Variants in GAD2 observed in about 807,000 individuals in gnomAD.
GAD2 encodes the protein 65 kDa glutamic acid decarboxylase.
A neutral mutation model predicts 80.1 loss-of-function variants in GAD2; 22 were observed. The observed-to-expected ratio is 0.27, with a 90% CI of 0.20 to 0.39. The LOEUF is 0.39. Among genes scored for constraint, GAD2 ranks in the 10% least tolerant of loss-of-function variants. The probability of loss-of-function intolerance (pLI) is 1.00; values close to 1 mark genes in which losing one functional copy is unlikely to be tolerated. For missense variants in GAD2, 624 were observed against 738.4 expected, an observed-to-expected ratio of 0.85 and a Z score of 1.80; for synonymous variants, 274 against 256.9, an observed-to-expected ratio of 1.07 and a Z score of -0.64.
chr10:26,298,356 G>A (rs941536161), intron 15 of GAD2, among the ~76,000 whole-genome samples: 2 of 152,204 alleles, frequency 1.3e-5, no homozygotes, highest in African/African-American at 4.8e-5. Flanking sequence ...CGAAGTAGAT[G>A]TTCATGTTCC....
rs1457712213 is a variant in GAD2 at position 26,301,674 on chromosome 10, A to C, written c.*713A>C. On this transcript the variant is annotated 3_prime_UTR_variant, in exon 16 of 16. Coordinates refer to ENST00000376261, the MANE Select transcript of GAD2 (RefSeq NM_001134366.2). ...AAGGTATTATTGCTTCTTTCTATAC[A>C]TGTTATGGCTTATCACATCTCTAAA... is the stretch of plus-strand genomic sequence containing the variant. The C allele has an allele frequency of 1.3e-5, 2 of 152,224 alleles. No homozygotes were observed. Among genetic ancestry groups the C allele is most frequent in the Non-Finnish European group, 2.9e-5 (2 of 68,046 alleles). The allele number at this position is 152,224 out of a possible 1,614,324, so 9.4% of individuals were successfully genotyped here.
intron 4 of GAD2, among the ~76,000 whole-genome samples, chr10:26,222,087 CAG>C (rs1844459617): frequency 6.6e-6 from 1 of 152,144 alleles, no homozygotes; most frequent in Non-Finnish European, 1.5e-5. Context: ...ACATCATCAT[CAG>C]GGAATGAAAT....
rs750910809 is a variant in GAD2, at chr10:26,237,097, T to C, written c.840+7320T>C. ...CCTTTAGTGCTGCAGGCGCCAGGCGTTGCTTCTGGCACGGGGGAGAGAGCA... is the reference window on the plus strand; with the variant it reads ...CCTTTAGTGCTGCAGGCGCCAGGCGCTGCTTCTGGCACGGGGGAGAGAGCA... On this transcript the variant is annotated intron_variant, in intron 7 of 15. Transcript: ENST00000376261. Among the ~76,000 whole-genome samples, 35 of 152,060 alleles carry C rather than the reference T, an allele frequency of 2.3e-4. 1 individual carries two copies. The highest frequency in any genetic ancestry group is 3.2e-3 in the Middle Eastern group (1 of 316).
intron 15 of GAD2, among the ~76,000 whole-genome samples, chr10:26,298,629 G>A (rs992826607): frequency 6.6e-6 from 1 of 152,192 alleles, no homozygotes; most frequent in African/African-American, 2.4e-5. Flanking sequence ...AAAACTAAAT[G>A]AGACTTTAAT....
At chr10:26,280,484 G>C (rs1462616592) in intron 11 of GAD2, among the ~76,000 whole-genome samples, 1 of 152,138 alleles carries the variant, frequency 6.6e-6, no homozygotes, top group Non-Finnish European at 1.5e-5. Context: ...AGGTAGCTAA[G>C]AGACAAATGG....
intron 8 of GAD2, among the ~76,000 whole-genome samples, chr10:26,257,301 C>T (rs537950493): frequency 1.3e-5 from 2 of 152,208 alleles, no homozygotes; most frequent in African/African-American, 2.4e-5. Flanking sequence ...CACTTGAACC[C>T]GGGAGGCAGA....
chr10:26,262,469 G>A (rs1845021186), intron 8 of GAD2, among the ~76,000 whole-genome samples: 1 of 150,376 alleles, frequency 6.6e-6, no homozygotes, highest in African/African-American at 2.4e-5. Context: ...TTATTTATTG[G>A]ACTAATCAGA....
intron 13 of GAD2, among the ~76,000 whole-genome samples, chr10:26,287,340 G>A (rs1298145398): frequency 6.6e-6 from 1 of 152,130 alleles, no homozygotes; most frequent in African/African-American, 2.4e-5. Flanking sequence ...AGTGAGAAAG[G>A]GGGCGATTAA....
intron 8 of GAD2, among the ~76,000 whole-genome samples, chr10:26,246,637 C>T (rs1016831385): frequency 1.3e-5 from 2 of 152,170 alleles, no homozygotes; most frequent in African/African-American, 4.8e-5. Context: ...TTAAAGGAAG[C>T]CACTCAATTG....
intron 15 of GAD2, among the ~76,000 whole-genome samples, chr10:26,299,417 C>T (rs998827495): frequency 5.3e-5 from 8 of 152,196 alleles, no homozygotes; most frequent in Non-Finnish European, 8.8e-5. Flanking sequence ...TCTCTGATGT[C>T]TATCTACCAT....
At chr10:26,238,005 GACACACACAC>G (rs58551669) in intron 7 of GAD2, among the ~76,000 whole-genome samples, 2,710 of 118,262 alleles carry the variant, frequency 0.023, 33 homozygotes, top group Non-Finnish European at 0.034. Flanking sequence ...CCATCACACA[GACACACACAC>G]ACACACACAC....
chr10:26,229,510 C>T, intron 6 of GAD2, 152 bp from the exon 7 acceptor site: 1 of 607,654 alleles, frequency 1.6e-6, no homozygotes, highest in Admixed American at 2.8e-5. Flanking sequence ...TGGGGTAGCG[C>T]CTTTGAGTCT....
intron 13 of GAD2, among the ~76,000 whole-genome samples, chr10:26,287,229 G>C (rs1845344287): frequency 6.6e-6 from 1 of 152,042 alleles, no homozygotes; most frequent in Admixed American, 6.6e-5. Flanking sequence ...TGCCCATCCG[G>C]CTTCATTTGT....
intron 8 of GAD2, among the ~76,000 whole-genome samples, chr10:26,264,722 C>T (rs561412730): frequency 6.6e-6 from 1 of 152,174 alleles, no homozygotes; most frequent in Non-Finnish European, 1.5e-5. Flanking sequence ...GAGCAGGGAT[C>T]GCACAGTTAC....
At chr10:26,289,789 C>T (rs1381560738) in intron 13 of GAD2, among the ~76,000 whole-genome samples, 1 of 143,922 alleles carries the variant, frequency 6.9e-6, no homozygotes, top group Non-Finnish European at 1.5e-5. Context: ...CATCTCCCCC[C>T]CACCTTTTTT....
chr10:26,276,678 G>A (rs866600264), intron 11 of GAD2, among the ~76,000 whole-genome samples: 10 of 152,164 alleles, frequency 6.6e-5, no homozygotes, highest in South Asian at 2.1e-4. Context: ...GTGAGCCACC[G>A]CGCCGGCTTC....
At chr10:26,228,562 T>A (rs1336401842) in intron 6 of GAD2, among the ~76,000 whole-genome samples, 6 of 152,126 alleles carry the variant, frequency 3.9e-5, no homozygotes, top group Non-Finnish European at 8.8e-5. Context: ...TCGGTACAGG[T>A]CTGCGGTCTA....
intron 12 of GAD2, among the ~76,000 whole-genome samples, chr10:26,282,484 T>C (rs2132313066): frequency 6.6e-6 from 1 of 152,106 alleles, no homozygotes; most frequent in East Asian, 1.9e-4. Flanking sequence ...GTTGCTATCA[T>C]CTACCTCATA....
At chr10:26,224,976 A>T (rs1037636336) in intron 6 of GAD2, among the ~76,000 whole-genome samples, 3 of 152,176 alleles carry the variant, frequency 2.0e-5, no homozygotes, top group Middle Eastern at 3.2e-3. Context: ...CAGGAAATTC[A>T]CTCTCTGATG....
Sources: gnomAD v4.1 joint callset for allele counts (sites outside exome capture counted in the v4.1 genomes callset) on GRCh38, gnomAD v4.1.1 for gene constraint, MANE v1.5 for transcripts, NCBI Gene and HGNC (gene_info 2026-07-23, HGNC 2026-07-21) for gene names.